DOK6: variants seen among roughly 807,000 people sequenced by gnomAD.
The protein encoded by DOK6 is docking protein 6.
A neutral mutation model predicts 44.0 loss-of-function variants in DOK6; 22 were observed. The observed-to-expected ratio is 0.50, with a 90% confidence interval of 0.36 to 0.71. The LOEUF (loss-of-function observed/expected upper bound fraction) is 0.71. Among genes scored for constraint, DOK6 ranks in the 30% least tolerant of loss-of-function variants. DOK6 has a pLI of 0.00. For missense variants in DOK6, 340 were observed against 416.4 expected, an observed-to-expected ratio of 0.82 and a Z score of 1.60; for synonymous variants, 166 against 145.5, an observed-to-expected ratio of 1.14 and a Z score of -1.01.
chr18:69,476,778 C>T (rs1398535637), intron 1 of DOK6, among the ~76,000 whole-genome samples: 1 of 152,176 alleles, frequency 6.6e-6, no homozygotes, highest in East Asian at 1.9e-4. Context: ...AGCACTCCTC[C>T]TTGCTTCCTC....
intron 3 of DOK6, among the ~76,000 whole-genome samples, chr18:69,612,130 C>T (rs896145150): frequency 3.3e-5 from 5 of 151,590 alleles, no homozygotes; most frequent in African/African-American, 1.2e-4. Context: ...ACATGTGAGT[C>T]TACAATCGTC....
chr18:69,844,800 C>T lies in DOK6; in HGVS notation c.*3417C>T, dbSNP rs1052139761. The T allele has an allele frequency of 6.6e-5, 10 of 152,066 alleles. No homozygotes were observed. The highest frequency in any genetic ancestry group is 2.2e-4 in the African/African-American group (9 of 41,392). 9.4% of individuals were successfully genotyped at this position (152,066 alleles called of 1,614,324 possible). ...GGAAACATATTTATTAAAAGTAAAC[C>T]TCACCTTTTTCACCAAATAGTAACT... On this transcript the variant is annotated 3_prime_UTR_variant, in exon 8 of 8. Coordinates refer to ENST00000382713, the MANE Select transcript of DOK6 (RefSeq NM_152721.6).
chr18:69,782,841 C>T (rs544345812), intron 7 of DOK6, among the ~76,000 whole-genome samples: 1 of 152,272 alleles, frequency 6.6e-6, no homozygotes, highest in African/African-American at 2.4e-5. Context: ...TGATTTAAAA[C>T]ACAAGCTTGC....
intron 5 of DOK6, among the ~76,000 whole-genome samples, chr18:69,703,924 C>G (rs1699435537): frequency 6.6e-6 from 1 of 152,072 alleles, no homozygotes; most frequent in South Asian, 2.1e-4. Flanking sequence ...GGATCGGTGG[C>G]TTTATAAGAA....
chr18:69,646,440 A>G (rs1169146176), intron 3 of DOK6, among the ~76,000 whole-genome samples: 1 of 152,152 alleles, frequency 6.6e-6, no homozygotes, highest in Non-Finnish European at 1.5e-5. Context: ...AAAAATTACC[A>G]GTTATTATGT....
At chr18:69,702,937 T>C (rs1384599134) in intron 5 of DOK6, among the ~76,000 whole-genome samples, 1 of 152,086 alleles carries the variant, frequency 6.6e-6, no homozygotes, top group Non-Finnish European at 1.5e-5. Flanking sequence ...TATGTGTGGG[T>C]TCAATAAAAA....
At chr18:69,788,183 G>A (rs558900536) in intron 7 of DOK6, among the ~76,000 whole-genome samples, 1 of 152,244 alleles carries the variant, frequency 6.6e-6, no homozygotes, top group Non-Finnish European at 1.5e-5. Context: ...ATAACCAGGG[G>A]TAATCTAGGT....
At chr18:69,760,537 G>A (rs917213935) in intron 7 of DOK6, among the ~76,000 whole-genome samples, 29 of 152,040 alleles carry the variant, frequency 1.9e-4, no homozygotes, top group African/African-American at 5.8e-4. Context: ...GTTCACCTTG[G>A]GAGAAAGCAA....
At chr18:69,418,179 C>A (rs770787607) in intron 1 of DOK6, among the ~76,000 whole-genome samples, 8 of 152,044 alleles carry the variant, frequency 5.3e-5, no homozygotes, top group Non-Finnish European at 1.2e-4. Context: ...AGTAGTTTCA[C>A]AATCTTAGGT....
intron 7 of DOK6, among the ~76,000 whole-genome samples, chr18:69,814,478 C>A (rs916228887): frequency 2.6e-5 from 4 of 152,080 alleles, no homozygotes; most frequent in African/African-American, 9.7e-5. Context: ...CAATCTAGAT[C>A]CCTCCCCTGC....
At chr18:69,526,075 T>A (rs113870910) in intron 1 of DOK6, among the ~76,000 whole-genome samples, 107 of 152,288 alleles carry the variant, frequency 7.0e-4, no homozygotes, top group Middle Eastern at 6.8e-3. Context: ...TACGGCTTTA[T>A]TAAAATATAA....
chr18:69,474,747 A>G (rs773810980), intron 1 of DOK6, among the ~76,000 whole-genome samples: 3 of 152,242 alleles, frequency 2.0e-5, no homozygotes, highest in Non-Finnish European at 4.4e-5. Flanking sequence ...GCAAAATTTA[A>G]CAATCAGTGT....
intron 3 of DOK6, among the ~76,000 whole-genome samples, chr18:69,650,038 C>G (rs1049157620): frequency 6.6e-6 from 1 of 152,058 alleles, no homozygotes; most frequent in Non-Finnish European, 1.5e-5. Context: ...AGCGACTTTC[C>G]TTTCCAAGGA....
intron 3 of DOK6, among the ~76,000 whole-genome samples, chr18:69,603,770 C>CAAAA (rs55654660): frequency 1.3e-5 from 1 of 74,346 alleles, no homozygotes; most frequent in Non-Finnish European, 2.4e-5. Context: ...GACTCCGTCT[C>CAAAA]AAAAAAAAAA....
rs143792424 is a variant in DOK6, at chr18:69,427,762, C to T, written c.66+26452C>T. On this transcript the variant is annotated intron_variant, in intron 1 of 7. Coordinates refer to ENST00000382713, the MANE Select transcript of DOK6 (RefSeq NM_152721.6). The stretch of plus-strand genomic sequence containing the variant: ...AAATAAAGAAAATGTGGTACATATA[C>T]ACCATGGAATACCCTACCTTTTTTT... Among the ~76,000 whole-genome samples, 1,332 of 148,676 alleles carry T rather than the reference C, an allele frequency of 9.0e-3. 7 individuals are homozygous for T. Among genetic ancestry groups the T allele is most frequent in the Non-Finnish European group, 0.011 (724 of 67,546 alleles).
chr18:69,475,085 A>G (rs1980223247), intron 1 of DOK6, among the ~76,000 whole-genome samples: 1 of 152,194 alleles, frequency 6.6e-6, no homozygotes, highest in Non-Finnish European at 1.5e-5. Flanking sequence ...AAAACTCACT[A>G]AATCACTCCT....
chr18:69,734,022 C>A (rs1429496080), intron 5 of DOK6, among the ~76,000 whole-genome samples: 1 of 152,114 alleles, frequency 6.6e-6, no homozygotes, highest in Non-Finnish European at 1.5e-5. Context: ...TTTGAATCCT[C>A]GCTTGAAATC....
At chr18:69,463,873 C>T (rs1404742263) in intron 1 of DOK6, among the ~76,000 whole-genome samples, 1 of 152,060 alleles carries the variant, frequency 6.6e-6, no homozygotes. Flanking sequence ...CTATGTCTGT[C>T]AGGCTAATGC....
intron 3 of DOK6, among the ~76,000 whole-genome samples, chr18:69,624,333 T>C: frequency 6.6e-6 from 1 of 152,116 alleles, no homozygotes; most frequent in East Asian, 1.9e-4. Flanking sequence ...GGCAAATATC[T>C]GAAGTATTTT....
Sources: gnomAD v4.1 joint callset for allele counts (sites outside exome capture counted in the v4.1 genomes callset) on GRCh38, gnomAD v4.1.1 for gene constraint, MANE v1.5 for transcripts, NCBI Gene and HGNC (gene_info 2026-07-23, HGNC 2026-07-21) for gene names.